TNKS: variants seen among roughly 807,000 people sequenced by gnomAD.
TNKS encodes the protein poly [ADP-ribose] polymerase tankyrase-1.
In TNKS, 72 loss-of-function variants were observed where a neutral mutation model predicts 135.8. The observed-to-expected ratio is 0.53, with a 90% confidence interval of 0.44 to 0.64. TNKS has a LOEUF of 0.64. TNKS is among the 30% of genes least tolerant of loss of function. The pLI, the probability that TNKS is intolerant of heterozygous loss-of-function variation, is 0.00. For missense variants in TNKS, 1,769 were observed against 1,674.0 expected (o/e 1.06, Z -0.99); for synonymous variants, 849 against 649.3 (o/e 1.31, Z -4.68).
At chr8:9,657,663 A>G (rs1413182517) in intron 3 of TNKS, among the ~76,000 whole-genome samples, 2 of 64,154 alleles carry the variant, frequency 3.1e-5, no homozygotes, top group Non-Finnish European at 6.3e-5. Flanking sequence ...TGACCCCCCC[A>G]TCTCCCTCCC....
chr8:9,600,907 A>G (rs1798991766), intron 2 of TNKS, among the ~76,000 whole-genome samples: 1 of 152,190 alleles, frequency 6.6e-6, no homozygotes, highest in African/African-American at 2.4e-5. Context: ...AAATTAATAG[A>G]TTTATTTCAC....
intron 3 of TNKS, among the ~76,000 whole-genome samples, chr8:9,656,377 G>C (rs935056861): frequency 7.9e-5 from 12 of 152,040 alleles, no homozygotes; most frequent in African/African-American, 2.9e-4. Flanking sequence ...TCAAATTCAG[G>C]AAATACAGAG....
At chr8:9,632,223 T>G (rs984364284) in intron 3 of TNKS, among the ~76,000 whole-genome samples, 2 of 152,238 alleles carry the variant, frequency 1.3e-5, no homozygotes, top group African/African-American at 4.8e-5. Context: ...GTTGAGCTAT[T>G]TGAATTTTAT....
Position 9,691,431 on chromosome 8 carries a change from G to T in TNKS, c.1107+10631G>T, listed in dbSNP as rs183562908. ...AGAATGCTAAAGTTGTCAGAACCAA[G>T]GAGATCCCTGCCTGCCAAGAGTAAT... is the stretch of plus-strand genomic sequence containing the variant. On this transcript the variant is annotated intron_variant, in intron 5 of 26. Transcript: ENST00000310430. Among the ~76,000 whole-genome samples, 3 of 152,264 alleles carry T rather than the reference G, an allele frequency of 2.0e-5. No homozygotes were observed. In the East Asian group the frequency reaches 5.8e-4, roughly 29 times the overall value.
At chr8:9,691,463 C>G (rs960918890) in intron 5 of TNKS, among the ~76,000 whole-genome samples, 1 of 152,086 alleles carries the variant, frequency 6.6e-6, no homozygotes, top group Non-Finnish European at 1.5e-5. Flanking sequence ...TAATTCTTGC[C>G]CCTCAGCTAT....
intron 18 of TNKS, among the ~76,000 whole-genome samples, chr8:9,750,663 C>T (rs1464453168): frequency 6.6e-6 from 1 of 152,196 alleles, no homozygotes; most frequent in Non-Finnish European, 1.5e-5. Flanking sequence ...TCCACCAGCA[C>T]CCCACTTCCA....
chr8:9,579,720 C>T (rs967792239), intron 1 of TNKS, among the ~76,000 whole-genome samples: 12 of 152,106 alleles, frequency 7.9e-5, no homozygotes, highest in Admixed American at 6.5e-4. Flanking sequence ...CCGCCCACCT[C>T]GGCCTCACAC....
intron 26 of TNKS, among the ~76,000 whole-genome samples, chr8:9,772,805 GTGTT>G (rs1210032336): frequency 2.9e-5 from 3 of 104,698 alleles, no homozygotes; most frequent in South Asian, 6.4e-4. Flanking sequence ...GTGTGTGTGT[GTGTT>G]TGTGTGTGTG....
intron 3 of TNKS, 69 bp from the exon 4 acceptor site, chr8:9,679,882 G>T: frequency 8.1e-7 from 1 of 1,234,848 alleles, no homozygotes; most frequent in Non-Finnish European, 1.2e-6. Context: ...TTCTCTATTT[G>T]CTGCCTACTG....
chr8:9,618,027 C>G (rs537963359), intron 3 of TNKS, among the ~76,000 whole-genome samples: 1 of 142,932 alleles, frequency 7.0e-6, no homozygotes, highest in East Asian at 2.1e-4. Context: ...TGCTCTGTTG[C>G]CCAGGCTAGA....
intron 3 of TNKS, among the ~76,000 whole-genome samples, chr8:9,669,251 T>C (rs1365986806): frequency 1.3e-5 from 2 of 150,918 alleles, no homozygotes; most frequent in African/African-American, 2.4e-5. Context: ...ACCCCGTCTC[T>C]ACTAAAAATA....
At chr8:9,673,244 A>G (rs778654393) in intron 3 of TNKS, among the ~76,000 whole-genome samples, 4 of 152,142 alleles carry the variant, frequency 2.6e-5, no homozygotes, top group Non-Finnish European at 5.9e-5. Flanking sequence ...TAAAGCTTTT[A>G]CAAAGCTTTT....
chr8:9,667,868 A>G (rs1460040392), intron 3 of TNKS, among the ~76,000 whole-genome samples: 2 of 128,572 alleles, frequency 1.6e-5, no homozygotes, highest in African/African-American at 6.0e-5. Flanking sequence ...AGTCTCATTC[A>G]TTTACTAGTT....
At chr8:9,672,004 C>T (rs1329827225) in intron 3 of TNKS, among the ~76,000 whole-genome samples, 1 of 152,216 alleles carries the variant, frequency 6.6e-6, no homozygotes, top group Non-Finnish European at 1.5e-5. Context: ...ATGCTGTCTA[C>T]ACTCTCTGCC....
At chr8:9,687,859 A>C (rs753084145) in intron 5 of TNKS, among the ~76,000 whole-genome samples, 1 of 152,232 alleles carries the variant, frequency 6.6e-6, no homozygotes, top group Non-Finnish European at 1.5e-5. Context: ...CAAATATGAT[A>C]CTTCAGCATC....
At chr8:9,587,247 G>A (rs1798416121) in intron 2 of TNKS, among the ~76,000 whole-genome samples, 1 of 152,116 alleles carries the variant, frequency 6.6e-6, no homozygotes, top group Admixed American at 6.5e-5. Flanking sequence ...TATAATTTCA[G>A]ATGGATTCAA....
intron 15 of TNKS, among the ~76,000 whole-genome samples, chr8:9,733,824 T>G (rs1805560555): frequency 6.6e-6 from 1 of 152,200 alleles, no homozygotes; most frequent in Admixed American, 6.5e-5. Flanking sequence ...ACTAACTCAT[T>G]CACTAGTAAA....
At chr8:9,589,027 C>T (rs1037382919) in intron 2 of TNKS, among the ~76,000 whole-genome samples, 84 of 152,056 alleles carry the variant, frequency 5.5e-4, no homozygotes, top group African/African-American at 2.0e-3. Flanking sequence ...ATGACAAACT[C>T]GATTGGTATG....
chr8:9,777,196 GTTT>G lies in TNKS; in HGVS notation c.*465_*467del, dbSNP rs576516934. 1 of 155,900 alleles carries G rather than the reference GTTT, an allele frequency of 6.4e-6. No homozygotes were observed. Among genetic ancestry groups the G allele is most frequent in the African/African-American group, 2.4e-5 (1 of 41,402 alleles). 9.7% of individuals were successfully genotyped at this position (155,900 alleles called of 1,614,324 possible). ...ATTGGCTATTGTTTGTTTGTTTTTT[GTTT>G]TTTTGTGTTTTTTGGGTTACTTTGA... is the stretch of plus-strand genomic sequence containing the variant. On this transcript the variant is annotated 3_prime_UTR_variant, in exon 27 of 27. Coordinates refer to ENST00000310430, the MANE Select transcript of TNKS (RefSeq NM_003747.3).
Sources: gnomAD v4.1 joint callset for allele counts (sites outside exome capture counted in the v4.1 genomes callset) on GRCh38, gnomAD v4.1.1 for gene constraint, MANE v1.5 for transcripts, NCBI Gene and HGNC (gene_info 2026-07-23, HGNC 2026-07-21) for gene names.